RGS7BP: variants seen among roughly 807,000 people sequenced by gnomAD.
RGS7BP encodes the protein regulator of G protein signaling 7 binding protein, also known as regulator of G protein signaling 7-binding protein.
RGS7BP carries 9 observed loss-of-function variants against 31.3 expected under a neutral mutation model. The observed-to-expected ratio is 0.29, with a 90% confidence interval of 0.17 to 0.50. RGS7BP has a LOEUF of 0.50. Among genes scored for constraint, RGS7BP ranks in the 20% least tolerant of loss-of-function variants. The pLI is 0.98. For missense variants in RGS7BP, 274 were observed against 322.0 expected, an observed-to-expected ratio of 0.85 and a Z score of 1.14; for synonymous variants, 115 against 120.1, an observed-to-expected ratio of 0.96 and a Z score of 0.28.
intron 5 of RGS7BP, among the ~76,000 whole-genome samples, chr5:64,608,365 A>T (rs1743417292): frequency 2.0e-5 from 3 of 152,032 alleles, no homozygotes; most frequent in African/African-American, 7.2e-5. Flanking sequence ...TCTACCTGTC[A>T]TCATCCTAAA....
chr5:64,538,814 C>A (rs1741452581), intron 2 of RGS7BP, among the ~76,000 whole-genome samples: 1 of 152,080 alleles, frequency 6.6e-6, no homozygotes, highest in East Asian at 1.9e-4. Flanking sequence ...CCTTTGTTGG[C>A]CTCCCAAAGT....
intron 2 of RGS7BP, among the ~76,000 whole-genome samples, chr5:64,538,389 T>G (rs929151951): frequency 1.3e-5 from 2 of 151,966 alleles, no homozygotes; most frequent in African/African-American, 4.8e-5. Flanking sequence ...CCCGGCAAAC[T>G]CTGATCTGTA....
chr5:64,545,483 C>A (rs1741638833), intron 2 of RGS7BP, among the ~76,000 whole-genome samples: 1 of 150,728 alleles, frequency 6.6e-6, no homozygotes, highest in African/African-American at 2.4e-5. Context: ...TTAAGCAAAA[C>A]AATAATATAA....
chr5:64,539,437 C>A (rs902998454), intron 2 of RGS7BP: 1 of 152,094 alleles, frequency 6.6e-6, no homozygotes. Context: ...TTATTTAAGA[C>A]CTCTTTGTCT....
chr5:64,529,618 G>A (rs1389637238), intron 2 of RGS7BP, among the ~76,000 whole-genome samples: 1 of 152,162 alleles, frequency 6.6e-6, no homozygotes, highest in Admixed American at 6.5e-5. Context: ...CTTGGTCTGG[G>A]GCATGGCCTG....
At chr5:64,532,739 T>G (rs1417097784) in intron 2 of RGS7BP, among the ~76,000 whole-genome samples, 2 of 151,808 alleles carry the variant, frequency 1.3e-5, no homozygotes, top group Non-Finnish European at 2.9e-5. Flanking sequence ...AGCCCCCACC[T>G]CTCATATTAT....
intron 2 of RGS7BP, among the ~76,000 whole-genome samples, chr5:64,531,057 G>A (rs891448418): frequency 3.3e-5 from 5 of 152,154 alleles, no homozygotes; most frequent in South Asian, 2.1e-4. Flanking sequence ...GCTCTGGTAC[G>A]AAAACCCAGT....
chr5:64,531,963 G>GT (rs1039725511), intron 2 of RGS7BP, among the ~76,000 whole-genome samples: 2 of 151,534 alleles, frequency 1.3e-5, no homozygotes, highest in Non-Finnish European at 2.9e-5. Context: ...CTACCTGCTA[G>GT]TTTTTTTTTC....
intron 5 of RGS7BP, among the ~76,000 whole-genome samples, chr5:64,606,823 TA>T (rs1743377588): frequency 6.6e-6 from 1 of 152,156 alleles, no homozygotes; most frequent in African/African-American, 2.4e-5. Context: ...AAGTTAACTT[TA>T]AAAGAAAGAT....
intron 3 of RGS7BP, among the ~76,000 whole-genome samples, chr5:64,588,148 A>C (rs1210080729): frequency 6.6e-6 from 1 of 152,204 alleles, no homozygotes; most frequent in East Asian, 1.9e-4. Context: ...TGTCTGCAAC[A>C]TAAAGGAAGC....
chr5:64,566,675 A>G lies in RGS7BP; in HGVS notation c.333-9099A>G, dbSNP rs140639012. Among the ~76,000 whole-genome samples, 526 of 152,174 alleles carry G rather than the reference A, an allele frequency of 3.5e-3. 1 individual carries two copies. Among genetic ancestry groups the G allele is most frequent in the African/African-American group, 0.012 (507 of 41,548 alleles). On this transcript the variant is annotated intron_variant, in intron 2 of 5. Transcript: ENST00000334025. Reference sequence around the variant, plus strand: ...TTGAGGACAAGTAAAATTGAAGTCTACATGCTCTCAGTAGGGGAAATTCCC... The same window carrying G: ...TTGAGGACAAGTAAAATTGAAGTCTGCATGCTCTCAGTAGGGGAAATTCCC...
rs749778993 is a variant in RGS7BP, at chr5:64,507,734, A to G, written c.189A>G (p.Gln63=). ...AGCTTGTCCAAGAGTTCAACACACA[A>G]GTGGCCCTGTACCGAGAGCTGGTCA... ...CKMLVQEFNT[Q]VALYRELVIS... is the part of the protein sequence containing the mutation. Residue 63 remains glutamine (Q), a synonymous_variant, in exon 2 of 6, where the codon CAA becomes CAG. Transcript: ENST00000334025. The G allele has an allele frequency of 3.7e-6, 6 of 1,604,364 alleles. No homozygotes were observed. The South Asian group carries it at 6.7e-5, about 18-fold the overall frequency.
At chr5:64,561,909 T>G (rs1742065228) in intron 2 of RGS7BP, among the ~76,000 whole-genome samples, 1 of 151,538 alleles carries the variant, frequency 6.6e-6, no homozygotes, top group Admixed American at 6.6e-5. Context: ...CAGAGTCCTT[T>G]CATTCTGTTT....
At chr5:64,604,563 C>T (rs1399932510) in intron 5 of RGS7BP, among the ~76,000 whole-genome samples, 3 of 152,116 alleles carry the variant, frequency 2.0e-5, no homozygotes, top group Non-Finnish European at 2.9e-5. Flanking sequence ...GCAGCAATGT[C>T]TGGGAACTTG....
chr5:64,590,016 T>A (rs1159689878), intron 3 of RGS7BP, among the ~76,000 whole-genome samples: 3 of 151,840 alleles, frequency 2.0e-5, no homozygotes, highest in African/African-American at 7.3e-5. Context: ...AGTATTTTAT[T>A]GAAACCATTG....
chr5:64,524,199 C>G (rs1395196623), intron 2 of RGS7BP, among the ~76,000 whole-genome samples: 1 of 152,210 alleles, frequency 6.6e-6, no homozygotes, highest in Admixed American at 6.5e-5. Context: ...ATTCCCAGCA[C>G]AGTGTTCATT....
intron 2 of RGS7BP, among the ~76,000 whole-genome samples, chr5:64,534,127 A>C (rs1364207233): frequency 6.6e-6 from 1 of 152,146 alleles, no homozygotes; most frequent in Non-Finnish European, 1.5e-5. Context: ...ATTTGGGGTG[A>C]GATCTGAATG....
intron 2 of RGS7BP, among the ~76,000 whole-genome samples, chr5:64,526,603 G>A (rs1183966498): frequency 6.6e-6 from 1 of 152,136 alleles, no homozygotes; most frequent in Non-Finnish European, 1.5e-5. Flanking sequence ...AAGGCACAAT[G>A]AATGGCAGTG....
At chr5:64,558,745 C>A (rs1484358895) in intron 2 of RGS7BP, among the ~76,000 whole-genome samples, 2 of 152,144 alleles carry the variant, frequency 1.3e-5, no homozygotes, top group South Asian at 2.1e-4. Context: ...TCACTGAATT[C>A]TTTCCCCAGT....
Sources: allele counts gnomAD v4.1 joint callset (sites outside exome capture counted in the v4.1 genomes callset), GRCh38; gene constraint gnomAD v4.1.1; transcripts MANE v1.5; gene names NCBI Gene and HGNC (gene_info 2026-07-23, HGNC 2026-07-21).